KLHL1: variants seen among roughly 807,000 people sequenced by gnomAD.
KLHL1 encodes the protein kelch-like protein 1.
KLHL1 carries 47 observed loss-of-function variants against 77.7 expected under a neutral mutation model. The ratio of observed to expected loss-of-function variants is 0.60; its 90% confidence interval spans 0.48 to 0.77. KLHL1 has a LOEUF of 0.77. Ranked by LOEUF, KLHL1 falls within the 30% of genes least tolerant of loss-of-function variation. KLHL1 has a pLI of 0.00. For missense variants in KLHL1, 925 were observed against 910.8 expected (o/e 1.02, Z -0.20); for synonymous variants, 360 against 325.2 (o/e 1.11, Z -1.15).
intron 1 of KLHL1, among the ~76,000 whole-genome samples, chr13:70,077,080 CTT>C (rs973437564): frequency 2.0e-4 from 31 of 151,906 alleles, no homozygotes; most frequent in African/African-American, 6.8e-4. Flanking sequence ...CCTTAAAAAG[CTT>C]GACATAATTC....
chr13:69,834,666 A>T (rs1343057109), intron 6 of KLHL1, among the ~76,000 whole-genome samples: 1 of 152,162 alleles, frequency 6.6e-6, no homozygotes, highest in Non-Finnish European at 1.5e-5. Flanking sequence ...TTGATAACAA[A>T]TGTTATCACA....
chr13:70,078,370 T>A (rs1426646161), intron 1 of KLHL1, among the ~76,000 whole-genome samples: 1 of 152,120 alleles, frequency 6.6e-6, no homozygotes, highest in African/African-American at 2.4e-5. Flanking sequence ...ATTAATGATG[T>A]TCAAAGACTT....
intron 9 of KLHL1, among the ~76,000 whole-genome samples, chr13:69,713,287 C>A (rs1258774211): frequency 6.6e-6 from 1 of 152,200 alleles, no homozygotes; most frequent in African/African-American, 2.4e-5. Flanking sequence ...AATTTGCTTT[C>A]TTTTTATGCC....
chr13:70,032,003 C>G (rs988717037), intron 1 of KLHL1, among the ~76,000 whole-genome samples: 1 of 152,044 alleles, frequency 6.6e-6, no homozygotes, highest in Non-Finnish European at 1.5e-5. Flanking sequence ...GGGGGTGAAT[C>G]CTGATTATGT....
intron 7 of KLHL1, among the ~76,000 whole-genome samples, chr13:69,772,798 T>C (rs769980114): frequency 6.6e-6 from 1 of 152,184 alleles, no homozygotes; most frequent in Non-Finnish European, 1.5e-5. Flanking sequence ...GCCTGTGTCA[T>C]CAACCAGCTT....
Position 70,003,305 on chromosome 13 carries a change from AAGAGTC to A in KLHL1, c.498-27509_498-27504del, listed in dbSNP as rs143495964. Among the ~76,000 whole-genome samples, 1,019 of 151,888 alleles carry A rather than the reference AAGAGTC, an allele frequency of 6.7e-3. 6 individuals carry two copies. The highest frequency in any genetic ancestry group is 9.4e-3 in the Admixed American group (143 of 15,202). Reference sequence around the variant, plus strand: ...AATTAAACTTCAAGGGAAAATGTAAAAGAGTCAGAGAAAAGTGGATACTTTTTTCAC... The same window carrying A: ...AATTAAACTTCAAGGGAAAATGTAAAAGAGAAAAGTGGATACTTTTTTCAC... On this transcript the variant is annotated intron_variant, in intron 1 of 10. Transcript: ENST00000377844.
At chr13:69,843,929 G>A (rs781352382) in intron 5 of KLHL1, among the ~76,000 whole-genome samples, 1 of 151,252 alleles carries the variant, frequency 6.6e-6, no homozygotes, top group South Asian at 2.1e-4. Context: ...ACATTTACTT[G>A]GACAACTTTA....
intron 7 of KLHL1, among the ~76,000 whole-genome samples, chr13:69,783,935 G>A (rs1396077249): frequency 1.3e-5 from 2 of 151,974 alleles, no homozygotes; most frequent in African/African-American, 4.8e-5. Flanking sequence ...AGAGAGAAAG[G>A]AAGGTCGGGT....
chr13:69,721,258 C>G (rs994951236), intron 8 of KLHL1, among the ~76,000 whole-genome samples: 1 of 146,522 alleles, frequency 6.8e-6, no homozygotes, highest in South Asian at 2.2e-4. Context: ...GACCTGGAAG[C>G]CCCCTCCCCA....
At position 70,087,067 on chromosome 13, in the gene KLHL1, C is replaced by T. The variant is rs150823464; in HGVS notation, c.497+20136G>A. Among the ~76,000 whole-genome samples, 401 of 152,106 alleles carry T rather than the reference C, an allele frequency of 2.6e-3. 3 individuals carry two copies. Among genetic ancestry groups the T allele is most frequent in the African/African-American group, 8.9e-3 (369 of 41,480 alleles). On this transcript the variant is annotated intron_variant, in intron 1 of 10. Coordinates refer to ENST00000377844, the MANE Select transcript of KLHL1 (RefSeq NM_020866.3). Reference sequence around the variant, plus strand: ...AACCAGAGAAAATTACCAGTGTTTGCGTACAGTCCAGTGAGAGTGGCTTGC... The same window carrying T: ...AACCAGAGAAAATTACCAGTGTTTGTGTACAGTCCAGTGAGAGTGGCTTGC...
chr13:70,091,127 A>G (rs1017438251), intron 1 of KLHL1, among the ~76,000 whole-genome samples: 6 of 151,932 alleles, frequency 3.9e-5, no homozygotes, highest in African/African-American at 9.7e-5. Flanking sequence ...TCTGTTTTCT[A>G]TCATCCTTCT....
chr13:69,915,674 T>C (rs958885331), intron 4 of KLHL1, among the ~76,000 whole-genome samples: 6 of 152,072 alleles, frequency 3.9e-5, no homozygotes, highest in Non-Finnish European at 7.4e-5. Flanking sequence ...ATTCAGGACA[T>C]AGGCATGGGC....
intron 5 of KLHL1, among the ~76,000 whole-genome samples, chr13:69,840,726 GTA>G (rs1879223610): frequency 6.6e-6 from 1 of 150,438 alleles, no homozygotes; most frequent in Non-Finnish European, 1.5e-5. Context: ...ATGTATGTAT[GTA>G]TGTATGTATA....
intron 5 of KLHL1, among the ~76,000 whole-genome samples, chr13:69,857,935 T>G (rs1366633748): frequency 2.0e-5 from 3 of 151,982 alleles, no homozygotes; most frequent in Non-Finnish European, 4.4e-5. Flanking sequence ...ATATATTTTA[T>G]ACAATGCTCC....
At chr13:69,755,863 T>C (rs948498750) in intron 7 of KLHL1, among the ~76,000 whole-genome samples, 5 of 152,180 alleles carry the variant, frequency 3.3e-5, no homozygotes, top group African/African-American at 1.2e-4. Flanking sequence ...ATCATACGTT[T>C]TGAAAGCTGG....
chr13:69,870,864 G>A (rs1364458575), intron 5 of KLHL1, among the ~76,000 whole-genome samples: 1 of 151,966 alleles, frequency 6.6e-6, no homozygotes, highest in Non-Finnish European at 1.5e-5. Flanking sequence ...GGCTCTCATG[G>A]TCTTGTGGTT....
chr13:69,916,281 A>G (rs1882432829), intron 4 of KLHL1, among the ~76,000 whole-genome samples: 1 of 152,150 alleles, frequency 6.6e-6, no homozygotes, highest in Non-Finnish European at 1.5e-5. Context: ...CTATAAAGAC[A>G]CATGCACACG....
In KLHL1 at chr13:69,762,926, T is replaced by A. The variant is rs568193630; in HGVS notation, c.1640-22370A>T. ...GGCCAATGTAGATAAGGAAGTTTAG[T>A]AGTAATTTTCTTGCTCCATAATCAG... On this transcript the variant is annotated intron_variant, in intron 7 of 10. Transcript: ENST00000377844. Among the ~76,000 whole-genome samples, 32 of 152,082 alleles carry A rather than the reference T, an allele frequency of 2.1e-4. 1 individual carries two copies. The South Asian group carries it at 3.3e-3, about 16-fold the overall frequency.
chr13:69,806,632 CA>C (rs200953553), intron 6 of KLHL1, among the ~76,000 whole-genome samples: 29,011 of 152,102 alleles, frequency 0.19, 3,218 homozygotes, highest in South Asian at 0.31. Context: ...GCTCAGAAAT[CA>C]GCTTTAACAA....
Sources: gnomAD v4.1 joint callset for allele counts (sites outside exome capture counted in the v4.1 genomes callset) on GRCh38, gnomAD v4.1.1 for gene constraint, MANE v1.5 for transcripts, NCBI Gene and HGNC (gene_info 2026-07-23, HGNC 2026-07-21) for gene names.